ECE1: variants seen among roughly 807,000 people sequenced by gnomAD.
ECE1 encodes endothelin-converting enzyme 1.
In ECE1, 35 loss-of-function variants were observed where a neutral mutation model predicts 98.6. The ratio of observed to expected loss-of-function variants is 0.35; its 90% CI spans 0.27 to 0.47. The LOEUF (loss-of-function observed/expected upper bound fraction) is 0.47. Among genes scored for constraint, ECE1 ranks in the 20% least tolerant of loss-of-function variants. The pLI is 1.00. For synonymous variants in ECE1, 394 were observed against 407.1 expected, an observed-to-expected ratio of 0.97 and a Z score of 0.39; for missense variants, 814 against 1,025.3, an observed-to-expected ratio of 0.79 and a Z score of 2.81.
intron 1 of ECE1, among the ~76,000 whole-genome samples, chr1:21,334,989 C>T (rs938553194): frequency 6.6e-6 from 1 of 152,136 alleles, no homozygotes; most frequent in African/African-American, 2.4e-5. Flanking sequence ...TGGCTTCCCA[C>T]CACTATTAGA....
chr1:21,337,018 C>CA (rs1159430044), intron 1 of ECE1, among the ~76,000 whole-genome samples: 1 of 152,142 alleles, frequency 6.6e-6, no homozygotes, highest in Admixed American at 6.5e-5. Flanking sequence ...GCCTGGGCAA[C>CA]AAGAGTGAAA....
chr1:21,253,373 T>A (rs2098215252), intron 8 of ECE1, among the ~76,000 whole-genome samples: 1 of 152,016 alleles, frequency 6.6e-6, no homozygotes, highest in Non-Finnish European at 1.5e-5. Flanking sequence ...TCTTTAAATG[T>A]CAGACATAAT....
intron 8 of ECE1, among the ~76,000 whole-genome samples, chr1:21,254,000 C>T (rs539075262): frequency 4.3e-5 from 6 of 139,998 alleles, no homozygotes; most frequent in African/African-American, 1.6e-4. Flanking sequence ...ACCTGGGAGG[C>T]AGAGGTTGCA....
chr1:21,293,451 G>C (rs966237052), upstream of ECE1: 3 of 149,694 alleles, frequency 2.0e-5, no homozygotes, highest in African/African-American at 7.5e-5. Flanking sequence ...GCTTAGTCTG[G>C]GGCTGGAGCC....
At chr1:21,283,044 A>G (rs2098256714) in intron 2 of ECE1, among the ~76,000 whole-genome samples, 1 of 143,688 alleles carries the variant, frequency 7.0e-6, no homozygotes, top group Non-Finnish European at 1.5e-5. Flanking sequence ...CGGGTTCAAG[A>G]GATTCTCCTG....
chr1:21,344,075 A>G (rs1241170307), intron 1 of ECE1, among the ~76,000 whole-genome samples: 3 of 152,138 alleles, frequency 2.0e-5, no homozygotes, highest in Non-Finnish European at 4.4e-5. Context: ...TATAGAACTA[A>G]GCCATAATTC....
At chr1:21,320,411 T>G (rs566837869) in intron 1 of ECE1, among the ~76,000 whole-genome samples, 1 of 124,860 alleles carries the variant, frequency 8.0e-6, no homozygotes, top group East Asian at 2.3e-4. Context: ...GCTGGAGAAA[T>G]AAGCTTTTTA....
At chr1:21,330,422 G>A (rs902138398) in intron 1 of ECE1, among the ~76,000 whole-genome samples, 1 of 151,364 alleles carries the variant, frequency 6.6e-6, no homozygotes, top group African/African-American at 2.4e-5. Context: ...GTAGAGATGG[G>A]GTTTTGTCAT....
chr1:21,279,547 G>A, intron 2 of ECE1: 3 of 1,450,198 alleles, frequency 2.1e-6, no homozygotes, highest in Non-Finnish European at 2.7e-6. Context: ...ACATCAGAGA[G>A]TCAAGCAGCT....
intron 1 of ECE1, among the ~76,000 whole-genome samples, chr1:21,300,199 C>T (rs553184093): frequency 2.0e-4 from 30 of 152,374 alleles, no homozygotes; most frequent in African/African-American, 5.8e-4. Flanking sequence ...TGCTGCTGGC[C>T]TGCTGGCTGC....
intron 1 of ECE1, among the ~76,000 whole-genome samples, chr1:21,310,770 T>C (rs1638707597): frequency 6.6e-6 from 1 of 152,182 alleles, no homozygotes; most frequent in Non-Finnish European, 1.5e-5. Flanking sequence ...CCCAGCCCTC[T>C]GCTCTGTCCC....
At chr1:21,276,634 G>A (rs533542725) in intron 3 of ECE1, among the ~76,000 whole-genome samples, 2 of 151,866 alleles carry the variant, frequency 1.3e-5, no homozygotes, top group African/African-American at 4.8e-5. Flanking sequence ...CACGTACTAT[G>A]TGTCCAGACA....
rs1018358106 is a variant in ECE1 at position 21,345,442 on chromosome 1, G to A, written c.-64C>T. On this transcript the variant is annotated 5_prime_UTR_variant, in exon 1 of 19. Transcript: ENST00000415912. This position sits in a 1 kb window ranked among gnomAD's most constrained non-coding sequence, Gnocchi z 5.1. ...CGCCCGGCTCCCGATTCCCAGCTCC[G>A]GGTTCCCTGCTCCCAGCCCAGCTGC... 3.1e-6 allele frequency: 4 copies of A among 1,287,766 alleles called. No homozygotes were observed. Among genetic ancestry groups the A allele is most frequent in the South Asian group, 2.2e-5 (1 of 46,004 alleles). The allele number at this position is 1,287,766 out of a possible 1,614,324, so 79.8% of individuals were successfully genotyped here. A position where few individuals can be genotyped will look rare whatever the true frequency, so the allele number is the denominator to read the frequency against.
At chr1:21,276,709 G>A (rs1449089725) in intron 3 of ECE1, among the ~76,000 whole-genome samples, 3 of 145,520 alleles carry the variant, frequency 2.1e-5, no homozygotes, top group South Asian at 4.4e-4. Context: ...TTTTTGAGAC[G>A]GAGTCTCGCT....
At chr1:21,268,382 C>A (rs1050204415) in intron 4 of ECE1, among the ~76,000 whole-genome samples, 3 of 152,170 alleles carry the variant, frequency 2.0e-5, no homozygotes, top group Non-Finnish European at 4.4e-5. Context: ...GAGTGAGGTG[C>A]GAGGCATCTG....
rs115163499 is a variant in ECE1, at chr1:21,340,498, T to C, written c.3+4878A>G. 1.2e-3 allele frequency among the ~76,000 whole-genome samples: 190 copies of C among 152,368 alleles called. 1 individual carries two copies. The highest frequency in any genetic ancestry group is 4.2e-3 in the African/African-American group (174 of 41,590). On this transcript the variant is annotated intron_variant, in intron 1 of 18. Transcript: ENST00000415912. This position sits in a 1 kb window ranked among gnomAD's most constrained non-coding sequence, Gnocchi z 4.6. Reference sequence around the variant, plus strand: ...TACTCAATCACCACAAAGCAGCCTGTGACCATCTCAGAATGCAAATCCGAC... The same window carrying C: ...TACTCAATCACCACAAAGCAGCCTGCGACCATCTCAGAATGCAAATCCGAC...
At chr1:21,269,985 A>G (rs1211968135) in intron 4 of ECE1, among the ~76,000 whole-genome samples, 1 of 152,086 alleles carries the variant, frequency 6.6e-6, no homozygotes, top group East Asian at 1.9e-4. Flanking sequence ...GTGGGGATGG[A>G]CTCAATCTTG....
intron 3 of ECE1, 41 bp from the exon 4 acceptor site, chr1:21,272,952 G>A (rs150425128): frequency 2.4e-5 from 39 of 1,610,714 alleles, no homozygotes; most frequent in Non-Finnish European, 3.2e-5. Flanking sequence ...AGGGCAGGCA[G>A]GGAAGAAGCA....
chr1:21,228,158 T>C, intron 14 of ECE1, 117 bp from the exon 15 acceptor site: 1 of 727,208 alleles, frequency 1.4e-6, no homozygotes, highest in South Asian at 1.7e-5. Flanking sequence ...CAGACTCTCC[T>C]TGACCCCAGG....
Sources: gnomAD v4.1 joint callset for allele counts (sites outside exome capture counted in the v4.1 genomes callset) on GRCh38, gnomAD v4.1.1 for gene constraint, Gnocchi (gnomAD v3.1) non-coding constraint, MANE v1.5 for transcripts, NCBI Gene and HGNC (gene_info 2026-07-23, HGNC 2026-07-21) for gene names.